The following SLC12A1 variants were observed in gnomAD, a reference collection of about 807,000 sequenced individuals.
SLC12A1 encodes solute carrier family 12 member 1, also known as Na-K-2Cl cotransporter.
Under a neutral mutation model 130.4 loss-of-function variants are expected in SLC12A1, and 89 were observed. That is an observed-to-expected ratio of 0.68 (90% CI 0.58 to 0.81). The LOEUF is 0.81. SLC12A1 is among the 40% of genes least tolerant of loss of function. The pLI is 0.00. For synonymous variants in SLC12A1, 499 were observed against 460.0 expected (o/e 1.08, Z -1.09); for missense variants, 1,310 against 1,336.4 (o/e 0.98, Z 0.31).
chr15:48,267,457 C>G, intron 17 of SLC12A1, 104 bp from the exon 18 acceptor site: 1 of 1,275,724 alleles, frequency 7.8e-7, no homozygotes, highest in Non-Finnish European at 1.1e-6. Flanking sequence ...TTTCCCATTT[C>G]TTAACTCAAT....
In SLC12A1 at chr15:48,269,661, T is replaced by C. The variant is rs1248187113; in HGVS notation, c.2299T>C (p.Ser767Pro). 1.2e-6 allele frequency: 2 copies of C among 1,600,796 alleles called. No homozygotes were observed. Among genetic ancestry groups the C allele is most frequent in the Non-Finnish European group, 1.7e-6 (2 of 1,168,800 alleles). ...RDGVRSLLQA[S>P]GLGRMKPNTL... is the part of the protein sequence containing the mutation. ...CATTTTTATGTCCTCTGTTTAGGCC[T>C]CAGGCTTAGGAAGAATGAAACCAAA... Residue 767 changes from serine to proline, a missense_variant, in exon 19 of 27, where the codon TCA becomes CCA. By Grantham distance (74) the Ser-to-Pro change is moderately conservative (BLOSUM62 -1). Transcript: ENST00000380993.
At chr15:48,211,820 C>G (rs2041055238) in intron 2 of SLC12A1, among the ~76,000 whole-genome samples, 1 of 152,132 alleles carries the variant, frequency 6.6e-6, no homozygotes, top group African/African-American at 2.4e-5. Context: ...TTTTAAGGCT[C>G]TACCTTAAAT....
intron 2 of SLC12A1, among the ~76,000 whole-genome samples, chr15:48,215,476 T>C (rs1396327283): frequency 6.6e-6 from 1 of 152,188 alleles, no homozygotes; most frequent in Non-Finnish European, 1.5e-5. Flanking sequence ...TCATTTATGG[T>C]AATGGGAGTG....
At chr15:48,258,506 A>G (rs914096143) in intron 16 of SLC12A1, among the ~76,000 whole-genome samples, 5 of 152,060 alleles carry the variant, frequency 3.3e-5, no homozygotes, top group South Asian at 2.1e-4. Flanking sequence ...ATGAGTCTCT[A>G]TGAAATTCCA....
At chr15:48,212,791 TAAAG>T (rs1445204561) in intron 2 of SLC12A1, among the ~76,000 whole-genome samples, 5 of 152,188 alleles carry the variant, frequency 3.3e-5, no homozygotes, top group Admixed American at 6.5e-5. Flanking sequence ...ATATTATTCT[TAAAG>T]AAGCTAACTC....
rs778584060 is a variant in SLC12A1, at chr15:48,249,624, A to T, written c.1734A>T (p.Ser578=). The T allele has an allele frequency of 5.6e-6, 9 of 1,613,984 alleles. No homozygotes were observed. The highest frequency in any genetic ancestry group is 7.6e-6 in the Non-Finnish European group (9 of 1,179,876). Reference sequence around the variant, plus strand: ...TCATCTCCAACTTTTTCCTGGCCTCATATGCACTTATTAATTTCTCCTGCT... The same window carrying T: ...TCATCTCCAACTTTTTCCTGGCCTCTTATGCACTTATTAATTTCTCCTGCT... ...APIISNFFLA[S]YALINFSCFH... The change falls in exon 14 of 27, where the codon TCA becomes TCT. Residue 578 remains serine (S), a synonymous_variant. Coordinates refer to ENST00000380993, the MANE Select transcript of SLC12A1 (RefSeq NM_000338.3).
intron 4 of SLC12A1, chr15:48,221,594 G>T: frequency 2.3e-6 from 1 of 437,928 alleles, no homozygotes; most frequent in Admixed American, 4.0e-5. Context: ...AATGAAAAAT[G>T]GATAATAATG....
At chr15:48,209,935 A>G (rs2041032121) in intron 2 of SLC12A1, among the ~76,000 whole-genome samples, 1 of 152,196 alleles carries the variant, frequency 6.6e-6, no homozygotes, top group South Asian at 2.1e-4. Flanking sequence ...TAAGATTTAG[A>G]TTTTATCTGG....
intron 19 of SLC12A1, among the ~76,000 whole-genome samples, chr15:48,272,044 C>A (rs1298281995): frequency 6.6e-6 from 1 of 152,188 alleles, no homozygotes; most frequent in African/African-American, 2.4e-5. Context: ...CCATCCCAAA[C>A]ATTCTAGAAA....
chr15:48,296,972 T>C (rs1408038567), intron 24 of SLC12A1, among the ~76,000 whole-genome samples: 2 of 152,170 alleles, frequency 1.3e-5, no homozygotes, highest in Non-Finnish European at 2.9e-5. Flanking sequence ...CATGTTTCAA[T>C]TGCAAGTAAA....
intron 15 of SLC12A1, 124 bp from the exon 16 acceptor site, chr15:48,255,687 T>C (rs2041699289): frequency 6.3e-6 from 4 of 636,966 alleles, no homozygotes; most frequent in Non-Finnish European, 8.3e-6. Flanking sequence ...TTTCTCTAAT[T>C]TGGGCACTCA....
intron 4 of SLC12A1, 105 bp from the exon 5 acceptor site, chr15:48,226,371 G>A (rs1187437589): frequency 1.5e-6 from 1 of 665,742 alleles, no homozygotes; most frequent in African/African-American, 1.9e-5. Flanking sequence ...TGGAGCCCGA[G>A]GCATGGACCT....
chr15:48,234,829 A>T (rs1476431427), intron 8 of SLC12A1, 48 bp from the exon 9 acceptor site: 2 of 1,583,726 alleles, frequency 1.3e-6, no homozygotes, highest in Admixed American at 3.3e-5. Context: ...AATCTCCTGT[A>T]CTGTGAAAAA....
At chr15:48,234,470 C>T (rs1000289090) in intron 8 of SLC12A1, among the ~76,000 whole-genome samples, 6 of 152,150 alleles carry the variant, frequency 3.9e-5, no homozygotes, top group Admixed American at 6.5e-5. Flanking sequence ...TGGCCGGGCG[C>T]GGTAGCTCAC....
chr15:48,240,010 C>A (rs1479350450), intron 9 of SLC12A1, among the ~76,000 whole-genome samples: 1 of 96,666 alleles, frequency 1.0e-5, no homozygotes, highest in Non-Finnish European at 1.9e-5. Context: ...ATCTGTTATC[C>A]ATATATATAT....
At chr15:48,276,822 A>G (rs1161882415) in intron 20 of SLC12A1, among the ~76,000 whole-genome samples, 1 of 152,126 alleles carries the variant, frequency 6.6e-6, no homozygotes, top group Non-Finnish European at 1.5e-5. Flanking sequence ...GAGAAGGAGA[A>G]GTCAGAAAGG....
At chr15:48,285,768 C>T (rs1475963536) in intron 21 of SLC12A1, among the ~76,000 whole-genome samples, 1 of 152,204 alleles carries the variant, frequency 6.6e-6, no homozygotes. Flanking sequence ...CATCTAAATG[C>T]TACACTTATA....
intron 11 of SLC12A1, among the ~76,000 whole-genome samples, chr15:48,245,383 G>A (rs2041565591): frequency 6.6e-6 from 1 of 152,126 alleles, no homozygotes; most frequent in African/African-American, 2.4e-5. Flanking sequence ...CAGGTACTAA[G>A]CATAGTACCC....
chr15:48,259,451 TAGAGCA>T, intron 17 of SLC12A1, 140 bp downstream of exon 17: 2 of 680,872 alleles, frequency 2.9e-6, no homozygotes, highest in Non-Finnish European at 5.3e-6. Flanking sequence ...CCTTGATTCA[TAGAGCA>T]AGGACAAGCA....
Sources: gnomAD v4.1 joint callset for allele counts (sites outside exome capture counted in the v4.1 genomes callset) on GRCh38, gnomAD v4.1.1 for gene constraint, MANE v1.5 for transcripts, NCBI Gene and HGNC (gene_info 2026-07-23, HGNC 2026-07-21) for gene names.